PRKN: variants seen among roughly 807,000 people sequenced by gnomAD.
PRKN encodes the protein E3 ubiquitin-protein ligase parkin.
In PRKN, 56 loss-of-function variants were observed where a neutral mutation model predicts 59.5. That is an observed-to-expected ratio of 0.94 (90% CI 0.76 to 1.18). The LOEUF is 1.18. Ranked by LOEUF, PRKN falls within the 50% of genes most tolerant of loss-of-function variation. PRKN has a pLI of 0.00. For synonymous variants in PRKN, 250 were observed against 222.1 expected (o/e 1.13, Z -1.12); for missense variants, 657 against 596.4 (o/e 1.10, Z -1.06).
At chr6:162,007,055 G>C (rs80224321) in intron 5 of PRKN, among the ~76,000 whole-genome samples, 11,699 of 152,026 alleles carry the variant, frequency 0.077, 511 homozygotes, top group Middle Eastern at 0.11. Context: ...TATACTATCA[G>C]CCAATATCCA....
chr6:162,686,007 C>T (rs1006632164), intron 1 of PRKN, among the ~76,000 whole-genome samples: 10 of 152,002 alleles, frequency 6.6e-5, no homozygotes, highest in Non-Finnish European at 1.5e-4. Context: ...GAAGGGAGAG[C>T]GCACAAATTA....
intron 3 of PRKN, among the ~76,000 whole-genome samples, chr6:162,235,400 T>C (rs1583241018): frequency 6.6e-6 from 1 of 152,326 alleles, no homozygotes; most frequent in African/African-American, 2.4e-5. Flanking sequence ...CATTCTGATA[T>C]TGTGGACAAA....
At chr6:162,277,350 T>G (rs1290205254) in intron 2 of PRKN, among the ~76,000 whole-genome samples, 1 of 152,118 alleles carries the variant, frequency 6.6e-6, no homozygotes, top group African/African-American at 2.4e-5. Context: ...GACAACAAAG[T>G]TTAACCCAAA....
chr6:161,500,164 A>G (rs1777904596), intron 9 of PRKN, among the ~76,000 whole-genome samples: 1 of 152,200 alleles, frequency 6.6e-6, no homozygotes, highest in African/African-American at 2.4e-5. Context: ...ATTATTTTTA[A>G]AGACAGTTTA....
intron 4 of PRKN, among the ~76,000 whole-genome samples, chr6:162,195,830 G>C (rs73783458): frequency 0.02 from 3,101 of 152,210 alleles, 102 homozygotes; most frequent in African/African-American, 0.07. Flanking sequence ...TTGTCCTGGA[G>C]GGATTAGCAA....
At chr6:162,140,278 T>A (rs113758519) in intron 4 of PRKN, among the ~76,000 whole-genome samples, 3 of 152,196 alleles carry the variant, frequency 2.0e-5, no homozygotes, top group African/African-American at 7.2e-5. Flanking sequence ...TTGCTTTTCA[T>A]GATAATTTAG....
At chr6:161,598,839 A>T (rs145834247) in intron 7 of PRKN, among the ~76,000 whole-genome samples, 4,763 of 152,258 alleles carry the variant, frequency 0.031, 75 homozygotes, top group Non-Finnish European at 0.039. Flanking sequence ...CCCCAAAGAG[A>T]TATGTTCAAG....
chr6:162,429,646 A>G (rs1422988109), intron 2 of PRKN, among the ~76,000 whole-genome samples: 1 of 151,942 alleles, frequency 6.6e-6, no homozygotes, highest in Non-Finnish European at 1.5e-5. Context: ...ACCCTGTCAC[A>G]CCCACGACAC....
At chr6:162,630,279 T>A (rs1783056260) in intron 1 of PRKN, among the ~76,000 whole-genome samples, 1 of 152,146 alleles carries the variant, frequency 6.6e-6, no homozygotes, top group Admixed American at 6.6e-5. Context: ...CTTTATACTG[T>A]CCTGCCAAGC....
intron 6 of PRKN, among the ~76,000 whole-genome samples, chr6:161,823,696 T>C (rs1038341456): frequency 3.9e-5 from 6 of 152,194 alleles, no homozygotes; most frequent in Non-Finnish European, 8.8e-5. Context: ...TCAGGTTTCA[T>C]GACTGCAGAT....
At chr6:161,737,979 T>C (rs964863) in intron 7 of PRKN, among the ~76,000 whole-genome samples, 29,753 of 152,128 alleles carry the variant, frequency 0.2, 3,225 homozygotes, top group East Asian at 0.51. Flanking sequence ...AATAATAGTT[T>C]GGAAAAGTTC....
intron 7 of PRKN, among the ~76,000 whole-genome samples, chr6:161,619,757 G>A (rs148194957): frequency 6.0e-4 from 92 of 152,230 alleles, no homozygotes; most frequent in Middle Eastern, 6.8e-3. Flanking sequence ...ATTTCAGTGC[G>A]TCTATGCTGA....
chr6:162,216,560 A>C (rs919891878), intron 3 of PRKN, among the ~76,000 whole-genome samples: 22 of 151,132 alleles, frequency 1.5e-4, no homozygotes, highest in Non-Finnish European at 2.2e-4. Context: ...AAAAAAAAAA[A>C]AAAACCCAGT....
chr6:161,830,257 G>GTT (rs35558751), intron 6 of PRKN, among the ~76,000 whole-genome samples: 36 of 144,492 alleles, frequency 2.5e-4, no homozygotes, highest in African/African-American at 4.3e-4. Flanking sequence ...TTTGTTTTTT[G>GTT]TTTTTTTTTT....
At chr6:162,066,552 C>T (rs140341727) in intron 4 of PRKN, among the ~76,000 whole-genome samples, 190 of 152,224 alleles carry the variant, frequency 1.2e-3, no homozygotes, top group Admixed American at 4.5e-3. Context: ...TGGATCAATA[C>T]CCCTAAGAAA....
intron 1 of PRKN, among the ~76,000 whole-genome samples, chr6:162,471,814 A>G (rs1267244442): frequency 6.6e-6 from 1 of 152,142 alleles, no homozygotes; most frequent in Non-Finnish European, 1.5e-5. Flanking sequence ...GTAGCTTTTC[A>G]TTTTATTCTA....
At chr6:161,957,473 G>A (rs2128247554) in intron 6 of PRKN, among the ~76,000 whole-genome samples, 2 of 149,420 alleles carry the variant, frequency 1.3e-5, no homozygotes, top group Middle Eastern at 3.5e-3. Context: ...TCATCAGGCT[G>A]AAGTGCAGTG....
chr6:162,207,968 T>A (rs1785025328), intron 3 of PRKN, among the ~76,000 whole-genome samples: 1 of 152,188 alleles, frequency 6.6e-6, no homozygotes, highest in African/African-American at 2.4e-5. Flanking sequence ...ACATCTTTCC[T>A]ACCAACCAGA....
intron 2 of PRKN, among the ~76,000 whole-genome samples, chr6:162,274,172 A>AATTAATTAATTAATTT (rs1439630044): frequency 2.6e-5 from 4 of 151,390 alleles, no homozygotes; most frequent in African/African-American, 9.7e-5. Flanking sequence ...TTAATTTATT[A>AATTAATTAATTAATTT]ATTTATTAAT....
Sources: allele counts gnomAD v4.1 joint callset (sites outside exome capture counted in the v4.1 genomes callset), GRCh38; gene constraint gnomAD v4.1.1; transcripts MANE v1.5; gene names NCBI Gene and HGNC (gene_info 2026-07-23, HGNC 2026-07-21).